The following RALGAPA2 variants were observed in gnomAD, a reference collection of about 807,000 sequenced individuals.
RALGAPA2 encodes the protein ral GTPase-activating protein subunit alpha-2.
In RALGAPA2, 139 loss-of-function variants were observed where a neutral mutation model predicts 230.4. The ratio of observed to expected loss-of-function variants is 0.60; its 90% CI spans 0.53 to 0.69. The LOEUF is 0.69. RALGAPA2 is among the 30% of genes least tolerant of loss of function. RALGAPA2 has a pLI of 0.00. For missense variants in RALGAPA2, 2,163 were observed against 2,276.0 expected (o/e 0.95, Z 1.01); for synonymous variants, 847 against 837.8 (o/e 1.01, Z -0.19).
intron 37 of RALGAPA2, among the ~76,000 whole-genome samples, chr20:20,419,041 A>G (rs886991134): frequency 2.0e-5 from 3 of 152,202 alleles, no homozygotes; most frequent in African/African-American, 7.2e-5. Context: ...TACCTGGCCT[A>G]TATATATTTT....
intron 37 of RALGAPA2, among the ~76,000 whole-genome samples, chr20:20,413,994 G>A (rs542332368): frequency 5.6e-4 from 85 of 152,364 alleles, no homozygotes; most frequent in African/African-American, 1.9e-3. Context: ...CTTGGCTGTC[G>A]CCACGGCTCG....
chr20:20,468,765 T>C (rs71336718), intron 37 of RALGAPA2, among the ~76,000 whole-genome samples: 1 of 151,744 alleles, frequency 6.6e-6, no homozygotes, highest in Non-Finnish European at 1.5e-5. Context: ...GAGACCACCG[T>C]TCTATTCTTC....
intron 10 of RALGAPA2, among the ~76,000 whole-genome samples, chr20:20,622,966 G>C (rs968921686): frequency 2.6e-5 from 4 of 152,070 alleles, no homozygotes; most frequent in Non-Finnish European, 5.9e-5. Context: ...TGAAATTAAT[G>C]CTAGCATTTA....
intron 1 of RALGAPA2, among the ~76,000 whole-genome samples, chr20:20,689,509 G>A (rs565949857): frequency 1.3e-5 from 2 of 152,300 alleles, no homozygotes; most frequent in East Asian, 3.9e-4. Context: ...GGGCATGGTG[G>A]TGCACGCCTG....
intron 38 of RALGAPA2, among the ~76,000 whole-genome samples, chr20:20,402,285 G>C (rs1169614266): frequency 6.6e-6 from 1 of 152,240 alleles, no homozygotes; most frequent in Non-Finnish European, 1.5e-5. Flanking sequence ...AAAGAATGGT[G>C]ACAGTTCACA....
intron 23 of RALGAPA2, among the ~76,000 whole-genome samples, chr20:20,551,224 T>A (rs1287873702): frequency 6.6e-6 from 1 of 152,260 alleles, no homozygotes; most frequent in Non-Finnish European, 1.5e-5. Context: ...AGTTTCTTTT[T>A]CACACGTTAA....
At chr20:20,588,844 A>C (rs1602961015) in intron 18 of RALGAPA2, among the ~76,000 whole-genome samples, 1 of 152,176 alleles carries the variant, frequency 6.6e-6, no homozygotes, top group South Asian at 2.1e-4. Context: ...ATATATATTT[A>C]AATAAATGCC....
chr20:20,403,600 C>T (rs1181422849), intron 38 of RALGAPA2, among the ~76,000 whole-genome samples: 4 of 152,148 alleles, frequency 2.6e-5, no homozygotes, highest in Non-Finnish European at 4.4e-5. Flanking sequence ...GCGACTGTCA[C>T]CCTGGTCCGG....
At chr20:20,608,308 G>A (rs2065883220) in intron 14 of RALGAPA2, among the ~76,000 whole-genome samples, 1 of 152,140 alleles carries the variant, frequency 6.6e-6, no homozygotes, top group East Asian at 1.9e-4. Context: ...ACAAAGAGCA[G>A]GACCACAGTT....
chr20:20,473,434 C>T lies in RALGAPA2; in HGVS notation c.5368-478G>A, dbSNP rs574248184. 1.1e-4 allele frequency among the ~76,000 whole-genome samples: 17 copies of T among 152,278 alleles called. No homozygotes were observed. In the South Asian group the frequency reaches 2.9e-3, roughly 26 times the overall value. ...TACAAAGTCCTACACAGTCCTCATT[C>T]TTCTCGACCTTTTCCCCCTCTGCTT... On this transcript the variant is annotated intron_variant, in intron 36 of 39. Coordinates refer to ENST00000202677, the MANE Select transcript of RALGAPA2 (RefSeq NM_020343.4).
At chr20:20,402,773 A>G (rs1171743951) in intron 38 of RALGAPA2, among the ~76,000 whole-genome samples, 2 of 152,202 alleles carry the variant, frequency 1.3e-5, no homozygotes, top group African/African-American at 4.8e-5. Flanking sequence ...TCCCCACTGA[A>G]GCCTGACTGA....
chr20:20,690,933 C>T (rs1395041017), intron 1 of RALGAPA2, among the ~76,000 whole-genome samples: 2 of 152,234 alleles, frequency 1.3e-5, no homozygotes, highest in Admixed American at 6.5e-5. Context: ...TTCCAGGGCC[C>T]GACTGTCTTT....
intron 38 of RALGAPA2, among the ~76,000 whole-genome samples, chr20:20,406,662 AG>A (rs905183228): frequency 9.8e-5 from 15 of 152,356 alleles, no homozygotes; most frequent in African/African-American, 3.6e-4. Context: ...CTGTAATCCT[AG>A]TACTTTGGGA....
At chr20:20,473,267 T>C (rs1452708437) in intron 36 of RALGAPA2, among the ~76,000 whole-genome samples, 1 of 152,204 alleles carries the variant, frequency 6.6e-6, no homozygotes, top group Admixed American at 6.5e-5. Context: ...ATCATGTGAA[T>C]TATGCATGAT....
chr20:20,650,229 C>T (rs997143104), intron 4 of RALGAPA2, among the ~76,000 whole-genome samples: 4 of 152,234 alleles, frequency 2.6e-5, no homozygotes, highest in South Asian at 2.1e-4. Context: ...AAACAAAAAC[C>T]GCAGATTATC....
intron 31 of RALGAPA2, 91 bp from the exon 32 acceptor site, chr20:20,513,375 T>G: frequency 9.2e-7 from 1 of 1,083,268 alleles, no homozygotes; most frequent in Non-Finnish European, 1.2e-6. Flanking sequence ...CAGGGGGCAG[T>G]TCCAATATGG....
At chr20:20,574,590 C>T (rs764432898) in intron 20 of RALGAPA2, among the ~76,000 whole-genome samples, 8 of 152,274 alleles carry the variant, frequency 5.3e-5, no homozygotes, top group Admixed American at 2.6e-4. Context: ...CAAAGACACA[C>T]AGGCACCACT....
chr20:20,708,187 T>C (rs1165089215), intron 1 of RALGAPA2, among the ~76,000 whole-genome samples: 2 of 152,230 alleles, frequency 1.3e-5, no homozygotes, highest in African/African-American at 4.8e-5. Context: ...TAAAATGCAC[T>C]ATTAAAATTA....
intron 37 of RALGAPA2, among the ~76,000 whole-genome samples, chr20:20,414,116 C>T (rs2060119171): frequency 6.6e-6 from 1 of 152,236 alleles, no homozygotes; most frequent in African/African-American, 2.4e-5. Context: ...ACGTGCTGGC[C>T]CAGCAGGGGC....
Sources: gnomAD v4.1 joint callset for allele counts (sites outside exome capture counted in the v4.1 genomes callset) on GRCh38, gnomAD v4.1.1 for gene constraint, MANE v1.5 for transcripts, NCBI Gene and HGNC (gene_info 2026-07-23, HGNC 2026-07-21) for gene names.